The following YEATS4 variants were observed in gnomAD, a reference collection of about 807,000 sequenced individuals.
YEATS4 encodes the protein YEATS domain-containing protein 4.
A neutral mutation model predicts 30.1 loss-of-function variants in YEATS4; 17 were observed. The ratio of observed to expected loss-of-function variants is 0.56; its 90% CI spans 0.39 to 0.85. The LOEUF (loss-of-function observed/expected upper bound fraction) is 0.85, where lower values mean the gene tolerates loss of function less well. Ranked by LOEUF, YEATS4 falls within the 40% of genes least tolerant of loss-of-function variation. The pLI is 0.00. For missense variants in YEATS4, 142 were observed against 268.3 expected (o/e 0.53, Z 3.29); for synonymous variants, 85 against 87.5 (o/e 0.97, Z 0.16).
the YEATS4 span, among the ~76,000 whole-genome samples, chr12:69,403,331 C>A: frequency 1.3e-5 from 2 of 152,108 alleles, no homozygotes; most frequent in African/African-American, 4.8e-5. Flanking sequence ...AATCCCAGCA[C>A]TTTGGGAGAC....
chr12:69,388,328 C>T (rs1868277801), intron 6 of YEATS4, among the ~76,000 whole-genome samples: 1 of 152,112 alleles, frequency 6.6e-6, no homozygotes, highest in African/African-American at 2.4e-5. Flanking sequence ...CTTCGTAAAT[C>T]CTCTGAGAAA....
the YEATS4 span, chr12:69,401,149 T>C: frequency 6.6e-6 from 1 of 151,684 alleles, no homozygotes; most frequent in Non-Finnish European, 1.5e-5. Flanking sequence ...GGATCATACC[T>C]GTGAATAGAC....
At chr12:69,381,680 GA>G (rs1369537109) in intron 6 of YEATS4, among the ~76,000 whole-genome samples, 3 of 152,136 alleles carry the variant, frequency 2.0e-5, no homozygotes, top group African/African-American at 7.2e-5. Flanking sequence ...TTAATTTGGG[GA>G]ACTAATAGAT....
chr12:69,383,521 A>G (rs1876159569), intron 6 of YEATS4, among the ~76,000 whole-genome samples: 1 of 152,258 alleles, frequency 6.6e-6, no homozygotes, highest in African/African-American at 2.4e-5. Flanking sequence ...GGAGATAACC[A>G]GCAAAGGGAA....
chr12:69,423,532 C>T, the YEATS4 span, among the ~76,000 whole-genome samples: 3 of 152,302 alleles, frequency 2.0e-5, no homozygotes, highest in Admixed American at 6.5e-5. Context: ...GAAGGAGCAA[C>T]AAGCATGGGG....
At chr12:69,360,105 G>T (rs924482802) in intron 1 of YEATS4, 82 bp downstream of exon 1, 2 of 1,477,462 alleles carry the variant, frequency 1.4e-6, no homozygotes, top group African/African-American at 2.8e-5. Context: ...GGCCCACTGG[G>T]TTTCCTTTCG....
intron 6 of YEATS4, among the ~76,000 whole-genome samples, chr12:69,372,799 A>G (rs1268238591): frequency 6.6e-6 from 1 of 152,072 alleles, no homozygotes; most frequent in Non-Finnish European, 1.5e-5. Context: ...TGGCCTCCCA[A>G]AGTGCTAGGA....
intron 4 of YEATS4, among the ~76,000 whole-genome samples, chr12:69,367,193 G>A (rs549717436): frequency 1.5e-4 from 23 of 152,182 alleles, no homozygotes; most frequent in Non-Finnish European, 3.1e-4. Flanking sequence ...ACTTCGTTAC[G>A]CTTCCCTGAA....
chr12:69,370,268 T>C (rs1427555440), intron 4 of YEATS4, among the ~76,000 whole-genome samples: 3 of 152,200 alleles, frequency 2.0e-5, no homozygotes, highest in African/African-American at 7.2e-5. Context: ...TATGTAATAA[T>C]CTTATAGATC....
chr12:69,367,665 C>T (rs1875490277), intron 4 of YEATS4, among the ~76,000 whole-genome samples: 2 of 152,006 alleles, frequency 1.3e-5, no homozygotes, highest in Non-Finnish European at 2.9e-5. Flanking sequence ...CATGACCGGT[C>T]AAGAAATTAT....
At chr12:69,384,636 A>G (rs1876204018) in intron 6 of YEATS4, among the ~76,000 whole-genome samples, 1 of 152,354 alleles carries the variant, frequency 6.6e-6, no homozygotes, top group Admixed American at 6.5e-5. Flanking sequence ...AAAATCAGCC[A>G]GCCTGTTTTT....
chr12:69,364,782 C>A (rs1660403907), intron 2 of YEATS4, among the ~76,000 whole-genome samples: 1 of 151,978 alleles, frequency 6.6e-6, no homozygotes, highest in Non-Finnish European at 1.5e-5. Context: ...CCATGCTTGG[C>A]TAATTTTTTG....
chr12:69,359,767 G>T lies in YEATS4; in HGVS notation c.-206G>T. Reference sequence around the variant, plus strand: ...CCTCTTTTCGCGGCGTTCTCCACCTGCGCGGGCCTGAATGGCCTTCAGGAG... The same window carrying T: ...CCTCTTTTCGCGGCGTTCTCCACCTTCGCGGGCCTGAATGGCCTTCAGGAG... On this transcript the variant is annotated 5_prime_UTR_variant, in exon 1 of 7. Coordinates refer to ENST00000247843, the MANE Select transcript of YEATS4 (RefSeq NM_006530.4). The T allele has an allele frequency of 1.7e-6, 1 of 590,138 alleles. No homozygotes were observed. The highest frequency in any genetic ancestry group is 2.9e-6 in the Non-Finnish European group (1 of 344,558). 36.6% of individuals were successfully genotyped at this position (590,138 alleles called of 1,614,324 possible).
At chr12:69,421,073 G>T in the YEATS4 span, among the ~76,000 whole-genome samples, 1 of 152,020 alleles carries the variant, frequency 6.6e-6, no homozygotes, top group Non-Finnish European at 1.5e-5. Flanking sequence ...GCCCAGGTTG[G>T]TCTCAAACTC....
chr12:69,416,406 ACATATTG>A, the YEATS4 span, among the ~76,000 whole-genome samples: 2 of 152,216 alleles, frequency 1.3e-5, no homozygotes, highest in African/African-American at 4.8e-5. Flanking sequence ...TGCCTGAGAG[ACATATTG>A]CAAAACAATC....
intron 1 of YEATS4, among the ~76,000 whole-genome samples, chr12:69,361,117 G>A (rs1875184239): frequency 6.6e-6 from 1 of 151,856 alleles, no homozygotes; most frequent in Non-Finnish European, 1.5e-5. Flanking sequence ...AAAATCGCTT[G>A]AACCCGAGAG....
At chr12:69,402,352 A>G in the YEATS4 span, among the ~76,000 whole-genome samples, 2 of 152,192 alleles carry the variant, frequency 1.3e-5, no homozygotes, top group African/African-American at 4.8e-5. Context: ...GGGCCTAATT[A>G]TGCTAGGGTT....
the YEATS4 span, among the ~76,000 whole-genome samples, chr12:69,399,102 A>G: frequency 6.6e-6 from 1 of 151,822 alleles, no homozygotes; most frequent in Non-Finnish European, 1.5e-5. Context: ...AGCCAAGATC[A>G]CACCACTGCA....
intron 6 of YEATS4, among the ~76,000 whole-genome samples, chr12:69,384,393 C>T (rs1036405119): frequency 2.6e-5 from 4 of 152,110 alleles, no homozygotes; most frequent in African/African-American, 9.7e-5. Flanking sequence ...TTAAATCTTA[C>T]GTATGGAGCT....
Sources: allele counts gnomAD v4.1 joint callset (sites outside exome capture counted in the v4.1 genomes callset), GRCh38; gene constraint gnomAD v4.1.1; transcripts MANE v1.5; gene names NCBI Gene and HGNC (gene_info 2026-07-23, HGNC 2026-07-21).